CCDC57: variants seen among roughly 807,000 people sequenced by gnomAD.
CCDC57 encodes the protein coiled-coil domain containing 57.
CCDC57 carries 118 observed loss-of-function variants against 118.9 expected under a neutral mutation model. The observed-to-expected ratio is 0.99, with a 90% CI of 0.86 to 1.16. CCDC57 has a LOEUF of 1.16. CCDC57 is among the 50% of genes most tolerant of loss of function. CCDC57 has a pLI of 0.00. For synonymous variants in CCDC57, 527 were observed against 532.9 expected, an observed-to-expected ratio of 0.99 and a Z score of 0.15; for missense variants, 1,300 against 1,320.7, an observed-to-expected ratio of 0.98 and a Z score of 0.24.
intron 13 of CCDC57, among the ~76,000 whole-genome samples, chr17:82,166,084 G>A (rs1433772043): frequency 1.3e-5 from 2 of 151,342 alleles, no homozygotes; most frequent in Non-Finnish European, 2.9e-5. Flanking sequence ...AAGGAGTTTT[G>A]AGAACAGCCT....
chr17:82,141,884 G>A (rs2040058592), intron 16 of CCDC57, among the ~76,000 whole-genome samples: 1 of 152,126 alleles, frequency 6.6e-6, no homozygotes, highest in Non-Finnish European at 1.5e-5. Context: ...CACTTCCACT[G>A]GGTTATCTGC....
chr17:82,153,657 A>G (rs1343514573), intron 15 of CCDC57: 1 of 152,216 alleles, frequency 6.6e-6, no homozygotes, highest in Admixed American at 6.5e-5. Flanking sequence ...ATTCTCTAAA[A>G]TCTTTCCACA....
chr17:82,178,228 C>T (rs1599186666), intron 11 of CCDC57, among the ~76,000 whole-genome samples: 1 of 152,166 alleles, frequency 6.6e-6, no homozygotes, highest in African/African-American at 2.4e-5. Context: ...CTCACATGAA[C>T]GTCTGATATC....
chr17:82,101,720 T>C (rs13949), exon 20 of CCDC57: 822,239 of 1,606,300 alleles, frequency 0.51, 218,758 homozygotes, highest in African/African-American at 0.57. Flanking sequence ...TTGGGGGGCC[T>C]CTGGCAGCCT....
At chr17:82,107,504 C>A (rs1428693225) in intron 19 of CCDC57, 4 of 470,688 alleles carry the variant, frequency 8.5e-6, no homozygotes, top group Non-Finnish European at 1.8e-5. Flanking sequence ...CAAAGCGGAC[C>A]CCCGCCAGAA....
chr17:82,156,086 A>C (rs2042645510), intron 15 of CCDC57: 1 of 152,096 alleles, frequency 6.6e-6, no homozygotes, highest in Non-Finnish European at 1.5e-5. Context: ...ACTTGAAACC[A>C]GGAGTTTGAG....
rs1345502264 is a variant in CCDC57, at chr17:82,118,135, A to G, written c.2899+9557T>C. ...ATAAATAAAAAAGCAAGCTGCCCCC[A>G]CGATATGCAATTGACAAGAAAAGAG... is the stretch of plus-strand genomic sequence containing the variant. On this transcript the variant is annotated intron_variant, in intron 19 of 19. Coordinates refer to ENST00000665763, the Ensembl canonical transcript of CCDC57. The surrounding 1 kb of genome is among the most constrained non-coding windows in gnomAD (Gnocchi z 4.7). 6.6e-6 allele frequency among the ~76,000 whole-genome samples: 1 copy of G among 152,194 alleles called. No individual in the cohort carries two copies. The highest frequency in any genetic ancestry group is 1.5e-5 in the Non-Finnish European group (1 of 68,026).
chr17:82,157,991 C>T (rs1355484138), intron 14 of CCDC57, 43 bp from the exon 14 acceptor site: 2 of 1,532,430 alleles, frequency 1.3e-6, no homozygotes, highest in Non-Finnish European at 1.8e-6. Context: ...GAGGCAGTGG[C>T]TGGGCTGGAG....
chr17:82,102,527 C>T (rs777562772), intron 19 of CCDC57, among the ~76,000 whole-genome samples: 10 of 152,192 alleles, frequency 6.6e-5, no homozygotes, highest in Non-Finnish European at 1.3e-4. Context: ...CTCTATTTTT[C>T]ATTTTTTCAA....
intron 15 of CCDC57, among the ~76,000 whole-genome samples, chr17:82,153,166 G>A (rs2042271150): frequency 6.6e-6 from 1 of 152,158 alleles, no homozygotes; most frequent in Non-Finnish European, 1.5e-5. Context: ...GTGTGGGAGA[G>A]GCCAAGGCAG....
intron 9 of CCDC57, among the ~76,000 whole-genome samples, chr17:82,182,478 C>A (rs138699858): frequency 5.7e-4 from 84 of 148,040 alleles, no homozygotes; most frequent in Non-Finnish European, 3.1e-4. Context: ...CTCAGCCCCC[C>A]GAGTAGCTGG....
At chr17:82,157,682 A>G in intron 15 of CCDC57, 66 bp downstream of exon 14, 1 of 1,516,362 alleles carries the variant, frequency 6.6e-7, no homozygotes, top group Non-Finnish European at 8.9e-7. Flanking sequence ...CTGGCAGAGC[A>G]CAGGCAAGGA....
At position 82,212,437 on chromosome 17, in the gene CCDC57, G is replaced by T. The variant is rs1327295562; in HGVS notation, c.-211+348C>A. Among the ~76,000 whole-genome samples the T allele has an allele frequency of 3.5e-5, 5 of 142,016 alleles. No homozygotes were observed. The highest frequency in any genetic ancestry group is 1.5e-4 in the Admixed American group (2 of 13,284). 93.2% of individuals were successfully genotyped at this position (142,016 alleles called of 152,430 possible). On this transcript the variant is annotated intron_variant, in intron 1 of 19. Transcript: ENST00000665763. The surrounding 1 kb of genome is among the most constrained non-coding windows in gnomAD (Gnocchi z 4.1). Reference sequence around the variant, plus strand: ...TTTTTAAACTCACAGACACTGTAAGGCTGCCTGGGCGCGGAGCCGTCCTTG... The same window carrying T: ...TTTTTAAACTCACAGACACTGTAAGTCTGCCTGGGCGCGGAGCCGTCCTTG...
chr17:82,186,767 C>T (rs1444638735), intron 8 of CCDC57, among the ~76,000 whole-genome samples: 1 of 151,904 alleles, frequency 6.6e-6, no homozygotes, highest in East Asian at 1.9e-4. Flanking sequence ...CATGGAGAAA[C>T]CTCGTTTCTA....
chr17:82,122,246 A>T (rs563047358), intron 19 of CCDC57, among the ~76,000 whole-genome samples: 1 of 152,306 alleles, frequency 6.6e-6, no homozygotes, highest in East Asian at 1.9e-4. Context: ...AATCTGCCAG[A>T]ACCGTTTCCC....
At chr17:82,162,950 C>T (rs12940433) in intron 14 of CCDC57, among the ~76,000 whole-genome samples, 70,929 of 151,730 alleles carry the variant, frequency 0.47, 17,427 homozygotes, top group East Asian at 0.88. Flanking sequence ...GTGTTCTGGC[C>T]GCCAGTGCTG....
At chr17:82,180,055 G>T (rs1157477244) in intron 9 of CCDC57, among the ~76,000 whole-genome samples, 1 of 152,194 alleles carries the variant, frequency 6.6e-6, no homozygotes, top group Non-Finnish European at 1.5e-5. Context: ...CGTGAGACTG[G>T]AGGGAGACTC....
chr17:82,114,041 C>T (rs373221514), intron 19 of CCDC57, among the ~76,000 whole-genome samples: 2 of 152,212 alleles, frequency 1.3e-5, no homozygotes, highest in African/African-American at 2.4e-5. Context: ...AGGAGCCTGA[C>T]GTGCACCTTC....
intron 9 of CCDC57, among the ~76,000 whole-genome samples, chr17:82,182,301 G>C (rs1406509720): frequency 2.0e-5 from 3 of 149,616 alleles, no homozygotes; most frequent in Admixed American, 2.0e-4. Context: ...AAAGAATGCT[G>C]GAAGGAAGAG....
Sources: allele counts gnomAD v4.1 joint callset (sites outside exome capture counted in the v4.1 genomes callset), GRCh38; gene constraint gnomAD v4.1.1; non-coding constraint Gnocchi (gnomAD v3.1); transcripts MANE v1.5; gene names NCBI Gene and HGNC (gene_info 2026-07-23, HGNC 2026-07-21).